Variants in CEP83 observed in about 807,000 individuals in gnomAD.
CEP83 encodes the protein centrosomal protein 83, also known as centrosomal protein of 83 kDa.
A neutral mutation model predicts 101.9 loss-of-function variants in CEP83; 70 were observed. The ratio of observed to expected loss-of-function variants is 0.69; its 90% CI spans 0.57 to 0.84. The LOEUF is 0.84. Ranked by LOEUF, CEP83 falls within the 40% of genes least tolerant of loss-of-function variation. CEP83 has a pLI of 0.00. For missense variants in CEP83, 715 were observed against 787.2 expected (o/e 0.91, Z 1.10); for synonymous variants, 264 against 267.9 (o/e 0.99, Z 0.14).
chr12:94,294,469 T>C, the CEP83 span: 1 of 1,177,946 alleles, frequency 8.5e-7, no homozygotes, highest in Non-Finnish European at 1.3e-6. Flanking sequence ...TCATATATCT[T>C]TTATCTTTGG....
chr12:94,348,360 C>T (rs1196787780), intron 11 of CEP83, among the ~76,000 whole-genome samples: 2 of 152,092 alleles, frequency 1.3e-5, no homozygotes, highest in Non-Finnish European at 2.9e-5. Context: ...AACTCAATGT[C>T]AACCATTTTA....
chr12:94,380,071 C>CAAAAAAAAAAAAAAAAAAAAAAA (rs11362391), intron 6 of CEP83, among the ~76,000 whole-genome samples: 8 of 83,166 alleles, frequency 9.6e-5, no homozygotes, highest in Non-Finnish European at 1.9e-4. Context: ...CCCGGCCCTG[C>CAAAAAAAAAAAAAAAAAAAAAAA]AAAAAAAAAA....
At position 94,308,782 on chromosome 12, in the gene CEP83, C is replaced by T. The variant is rs759813737; in HGVS notation, c.*31G>A. On this transcript the variant is annotated 3_prime_UTR_variant, in exon 17 of 17. Coordinates refer to ENST00000397809, the MANE Select transcript of CEP83 (RefSeq NM_016122.3). ...AAGTTTTACTGAGTCACCAACTTCA[C>T]CTCTTTTGATCTGCCTGTTCTCCAA... 1 of 1,434,848 alleles carries T rather than the reference C, an allele frequency of 7.0e-7. No individual in the cohort carries two copies. The highest frequency in any genetic ancestry group is 1.2e-5 in the South Asian group (1 of 86,544). The allele number at this position is 1,434,848 out of a possible 1,614,324, so 88.9% of individuals were successfully genotyped here.
At chr12:94,290,759 C>A in the CEP83 span, among the ~76,000 whole-genome samples, 1 of 152,378 alleles carries the variant, frequency 6.6e-6, no homozygotes, top group East Asian at 1.9e-4. Context: ...GGTTTCCACT[C>A]TTTCCAAACT....
At chr12:94,289,035 G>A in the CEP83 span, among the ~76,000 whole-genome samples, 1 of 152,054 alleles carries the variant, frequency 6.6e-6, no homozygotes, top group African/African-American at 2.4e-5. Flanking sequence ...GTCAATAGGT[G>A]ACCATTTTTA....
At chr12:94,372,430 T>G (rs1174520040) in intron 8 of CEP83, among the ~76,000 whole-genome samples, 1 of 152,236 alleles carries the variant, frequency 6.6e-6, no homozygotes, top group Non-Finnish European at 1.5e-5. Context: ...GAATTTAAAT[T>G]ATAAATACTT....
intron 11 of CEP83, among the ~76,000 whole-genome samples, chr12:94,344,011 T>G (rs2059821947): frequency 6.6e-6 from 1 of 152,112 alleles, no homozygotes; most frequent in South Asian, 2.1e-4. Flanking sequence ...GAAAAGGCCA[T>G]GTGAGGACAA....
chr12:94,419,066 A>C (rs967891398), intron 2 of CEP83, among the ~76,000 whole-genome samples: 1 of 152,022 alleles, frequency 6.6e-6, no homozygotes, highest in Non-Finnish European at 1.5e-5. Context: ...AAAAAAAAAA[A>C]TCTTTATATA....
At chr12:94,288,758 G>A in the CEP83 span, among the ~76,000 whole-genome samples, 1 of 152,224 alleles carries the variant, frequency 6.6e-6, no homozygotes, top group East Asian at 1.9e-4. Context: ...GGGAGAAGAC[G>A]ATACTGACGG....
intron 4 of CEP83, among the ~76,000 whole-genome samples, chr12:94,403,720 T>C (rs1221353412): frequency 1.3e-5 from 2 of 152,178 alleles, no homozygotes; most frequent in African/African-American, 2.4e-5. Context: ...CACTCTTTTA[T>C]AGAACTCGTA....
intron 2 of CEP83, among the ~76,000 whole-genome samples, chr12:94,431,341 T>C (rs1397631371): frequency 6.6e-6 from 1 of 152,128 alleles, no homozygotes; most frequent in Non-Finnish European, 1.5e-5. Flanking sequence ...ATAAAATTAC[T>C]AGAAGAAAAC....
chr12:94,275,387 T>TC, the CEP83 span, among the ~76,000 whole-genome samples: 1 of 152,152 alleles, frequency 6.6e-6, no homozygotes, highest in Non-Finnish European at 1.5e-5. Context: ...TCGAGGTGTC[T>TC]CCCCCGATGG....
chr12:94,443,272 C>G (rs530944773), intron 1 of CEP83, among the ~76,000 whole-genome samples: 7 of 146,122 alleles, frequency 4.8e-5, no homozygotes, highest in African/African-American at 1.7e-4. Flanking sequence ...TTTGCCTTCA[C>G]AACTTTGTTC....
At chr12:94,282,032 G>A in the CEP83 span, 9 of 345,664 alleles carry the variant, frequency 2.6e-5, no homozygotes, top group African/African-American at 1.1e-4. Flanking sequence ...GAGCTTAGTC[G>A]TCCCTCATAG....
At chr12:94,405,995 G>C (rs117079830) in intron 4 of CEP83, among the ~76,000 whole-genome samples, 1 of 152,148 alleles carries the variant, frequency 6.6e-6, no homozygotes, top group South Asian at 2.1e-4. Flanking sequence ...GGATGAATAC[G>C]CAGAGCTCAC....
At chr12:94,392,017 T>G (rs2062575903) in intron 6 of CEP83, among the ~76,000 whole-genome samples, 1 of 152,110 alleles carries the variant, frequency 6.6e-6, no homozygotes, top group Non-Finnish European at 1.5e-5. Context: ...ACAAAGAGAC[T>G]TAGACTCCCA....
chr12:94,330,412 G>T (rs1309358566), intron 14 of CEP83, among the ~76,000 whole-genome samples: 3 of 152,094 alleles, frequency 2.0e-5, no homozygotes, highest in African/African-American at 7.2e-5. Flanking sequence ...TTATTCTTGG[G>T]TTTGCTGAAA....
chr12:94,431,694 C>A (rs796725540), intron 2 of CEP83, among the ~76,000 whole-genome samples: 49 of 151,724 alleles, frequency 3.2e-4, no homozygotes, highest in African/African-American at 1.1e-3. Flanking sequence ...AAATTCTCAA[C>A]ATCATTAATT....
At chr12:94,397,928 T>G (rs2062999928) in intron 6 of CEP83, among the ~76,000 whole-genome samples, 1 of 152,212 alleles carries the variant, frequency 6.6e-6, no homozygotes. Flanking sequence ...GGATGGCCCA[T>G]AATCAGAGTG....
Sources: allele counts gnomAD v4.1 joint callset (sites outside exome capture counted in the v4.1 genomes callset), GRCh38; gene constraint gnomAD v4.1.1; transcripts MANE v1.5; gene names NCBI Gene and HGNC (gene_info 2026-07-23, HGNC 2026-07-21).